The following SKAP1 variants were observed in gnomAD, a reference collection of about 807,000 sequenced individuals.
SKAP1 encodes the protein src kinase-associated phosphoprotein 1.
In SKAP1, 44 loss-of-function variants were observed where a neutral mutation model predicts 58.5. The ratio of observed to expected loss-of-function variants is 0.75; its 90% CI spans 0.59 to 0.97. The LOEUF (loss-of-function observed/expected upper bound fraction) is 0.97, where lower values mean the gene tolerates loss of function less well. SKAP1 is among the 50% of genes least tolerant of loss of function. SKAP1 has a pLI of 0.00. For missense variants in SKAP1, 390 were observed against 435.2 expected (o/e 0.90, Z 0.92); for synonymous variants, 127 against 149.7 (o/e 0.85, Z 1.11).
chr17:48,419,549 C>T (rs563585227), intron 1 of SKAP1, among the ~76,000 whole-genome samples: 4 of 152,264 alleles, frequency 2.6e-5, no homozygotes, highest in Admixed American at 1.3e-4. Context: ...TCCCAAAGTG[C>T]TGGGATTACA....
intron 1 of SKAP1, among the ~76,000 whole-genome samples, chr17:48,405,409 CT>C (rs1229694922): frequency 2.9e-5 from 2 of 68,046 alleles, no homozygotes; most frequent in African/African-American, 1.2e-4. Flanking sequence ...TTCTTTCTTT[CT>C]TTCTTTCTTT....
intron 1 of SKAP1, among the ~76,000 whole-genome samples, chr17:48,399,450 C>G (rs2067466159): frequency 6.6e-6 from 1 of 152,088 alleles, no homozygotes; most frequent in African/African-American, 2.4e-5. Flanking sequence ...AAACCCACAG[C>G]TAACATTGTA....
intron 4 of SKAP1, among the ~76,000 whole-genome samples, chr17:48,296,694 C>T (rs575800537): frequency 6.6e-6 from 1 of 152,238 alleles, no homozygotes; most frequent in South Asian, 2.1e-4. Context: ...GACACTGGCA[C>T]ACATTCACTG....
chr17:48,229,088 T>C (rs2065099760), intron 4 of SKAP1, among the ~76,000 whole-genome samples: 1 of 152,176 alleles, frequency 6.6e-6, no homozygotes, highest in Non-Finnish European at 1.5e-5. Context: ...GAGGTCTGGA[T>C]CCTACTCTCT....
At chr17:48,170,748 T>TTCGAGATAGA in intron 9 of SKAP1, 89 bp from the exon 10 acceptor site, 1 of 1,191,370 alleles carries the variant, frequency 8.4e-7, no homozygotes, top group African/African-American at 1.5e-5. Context: ...CTTGCTCTGT[T>TTCGAGATAGA]GTCTAGGCTG....
intron 4 of SKAP1, among the ~76,000 whole-genome samples, chr17:48,228,636 T>C (rs1223838642): frequency 6.6e-6 from 1 of 152,238 alleles, no homozygotes; most frequent in Non-Finnish European, 1.5e-5. Context: ...TTTACATGTA[T>C]CAACTCATTC....
At chr17:48,345,327 T>G (rs375883299) in intron 4 of SKAP1, among the ~76,000 whole-genome samples, 1 of 152,378 alleles carries the variant, frequency 6.6e-6, no homozygotes, top group African/African-American at 2.4e-5. Context: ...ATTATTTAAC[T>G]CCTCTCATTC....
At chr17:48,429,542 G>T (rs1453719857) in intron 1 of SKAP1, among the ~76,000 whole-genome samples, 3 of 152,202 alleles carry the variant, frequency 2.0e-5, no homozygotes, top group South Asian at 2.1e-4. Context: ...CGTCTGCAGG[G>T]TGATAAAGGG....
chr17:48,367,536 G>GTGTATATATATATGGATATATATCCA (rs2067020194), intron 2 of SKAP1, among the ~76,000 whole-genome samples: 1 of 135,602 alleles, frequency 7.4e-6, no homozygotes, highest in Non-Finnish European at 1.6e-5. Context: ...GTATGTGTGT[G>GTGTATATATATATGGATATATATCCA]TATATATATA....
rs144199635 is a variant in SKAP1 at position 48,375,835 on chromosome 17, C to G, written c.153-12021G>C. ...GTCTTTAAGGATAAAGAATGATGTC[C>G]ACATCAAATCCAGCAGAGATGTGTA... On this transcript the variant is annotated intron_variant, in intron 2 of 12. Coordinates refer to ENST00000336915, the MANE Select transcript of SKAP1 (RefSeq NM_003726.4). Among the ~76,000 whole-genome samples, 344 of 152,006 alleles carry G rather than the reference C, an allele frequency of 2.3e-3. 3 individuals carry two copies. The East Asian group carries it at 0.027, about 12-fold the overall frequency.
At position 48,326,377 on chromosome 17, in the gene SKAP1, A is replaced by C. The variant is rs537947541; in HGVS notation, c.280+19528T>G. On this transcript the variant is annotated intron_variant, in intron 4 of 12. Transcript: ENST00000336915. ...TACAGAAATAGAGATGATAAAAACA[A>C]AAGAAACTATAGAGCTTGTGGGAAG... 2.0e-3 allele frequency among the ~76,000 whole-genome samples: 299 copies of C among 152,316 alleles called. 2 individuals are homozygous for C. Among genetic ancestry groups the C allele is most frequent in the African/African-American group, 7.0e-3 (292 of 41,570 alleles).
At chr17:48,283,380 C>G (rs991140378) in intron 4 of SKAP1, among the ~76,000 whole-genome samples, 3 of 152,130 alleles carry the variant, frequency 2.0e-5, no homozygotes, top group Non-Finnish European at 4.4e-5. Flanking sequence ...GTGCTTAAAG[C>G]CAGGATAAAC....
At chr17:48,354,476 A>G (rs17696503) in intron 3 of SKAP1, among the ~76,000 whole-genome samples, 32,204 of 152,168 alleles carry the variant, frequency 0.21, 3,426 homozygotes, top group Admixed American at 0.22. Context: ...TACATTTTAG[A>G]GATTAATCAT....
At chr17:48,268,209 C>T (rs964529131) in intron 4 of SKAP1, among the ~76,000 whole-genome samples, 1 of 151,150 alleles carries the variant, frequency 6.6e-6, no homozygotes, top group Non-Finnish European at 1.5e-5. Context: ...ACCAAACAAT[C>T]AGTAGCTAAC....
intron 3 of SKAP1, among the ~76,000 whole-genome samples, chr17:48,358,493 T>C (rs1213709188): frequency 6.6e-6 from 1 of 152,160 alleles, no homozygotes; most frequent in African/African-American, 2.4e-5. Flanking sequence ...CCATTCAACA[T>C]GTCTCAGACA....
intron 10 of SKAP1, 136 bp downstream of exon 10, chr17:48,170,473 G>A: frequency 1.4e-6 from 1 of 730,174 alleles, no homozygotes; most frequent in Non-Finnish European, 2.4e-6. Flanking sequence ...CTTTATTTAG[G>A]GCTTTGGGGT....
intron 2 of SKAP1, among the ~76,000 whole-genome samples, chr17:48,392,973 T>G (rs1281972655): frequency 6.6e-6 from 1 of 152,050 alleles, no homozygotes; most frequent in African/African-American, 2.4e-5. Flanking sequence ...CTACTGTTTC[T>G]CCCAATGCGT....
chr17:48,376,817 C>T (rs1420574398), intron 2 of SKAP1, among the ~76,000 whole-genome samples: 1 of 152,142 alleles, frequency 6.6e-6, no homozygotes, highest in Non-Finnish European at 1.5e-5. Context: ...CCAGAACATG[C>T]AAATGGTAAA....
At chr17:48,320,872 G>A (rs1218231008) in intron 4 of SKAP1, among the ~76,000 whole-genome samples, 1 of 152,116 alleles carries the variant, frequency 6.6e-6, no homozygotes, top group Non-Finnish European at 1.5e-5. Context: ...CTGTTATGCT[G>A]GGCAAGGAGC....
Sources: allele counts gnomAD v4.1 joint callset (sites outside exome capture counted in the v4.1 genomes callset), GRCh38; gene constraint gnomAD v4.1.1; transcripts MANE v1.5; gene names NCBI Gene and HGNC (gene_info 2026-07-23, HGNC 2026-07-21).